The following GABRQ variants were observed in gnomAD, a reference collection of about 807,000 sequenced individuals.
The protein encoded by GABRQ is gamma-aminobutyric acid type A receptor subunit theta, also known as gamma-aminobutyric acid receptor subunit theta.
In GABRQ, 19 loss-of-function variants were observed where a neutral mutation model predicts 30.5. The observed-to-expected ratio is 0.62, with a 90% CI of 0.43 to 0.91. The LOEUF is 0.91. GABRQ is among the 40% of genes least tolerant of loss of function. The pLI, the probability that GABRQ is intolerant of heterozygous loss-of-function variation, is 0.00. For missense variants in GABRQ, 520 were observed against 521.4 expected (o/e 1.00, Z 0.03); for synonymous variants, 187 against 210.2 (o/e 0.89, Z 0.95).
intron 4 of GABRQ, among the ~76,000 whole-genome samples, chrX:152,647,538 A>G (rs1930918297): frequency 8.9e-6 from 1 of 111,916 alleles, no homozygotes; most frequent in Non-Finnish European, 1.9e-5. Flanking sequence ...CTAGTGTTGC[A>G]TGCATTCTGT....
intron 6 of GABRQ, 148 bp from the exon 7 acceptor site, chrX:152,650,280 G>A (rs1930988338): frequency 9.9e-6 from 5 of 503,134 alleles, no homozygotes; most frequent in Non-Finnish European, 1.7e-5. Context: ...TGATCTGCTA[G>A]TGCAGTCTGC....
At chrX:152,650,091 G>T (rs1392133796) in intron 6 of GABRQ, among the ~76,000 whole-genome samples, 2 of 111,879 alleles carry the variant, frequency 1.8e-5, no homozygotes, top group Non-Finnish European at 3.8e-5. Flanking sequence ...CACTCTGCAG[G>T]TGTAAAAGAT....
chrX:152,652,569 T>C lies in GABRQ; in HGVS notation c.1187T>C (p.Val396Ala). The C allele has an allele frequency of 4.1e-6, 5 of 1,206,427 alleles. No homozygotes were observed. The highest frequency in any genetic ancestry group is 1.7e-5 in the African/African-American group (1 of 57,281). ...QDGLINVEDG[V>A]SSLPITPAQA... ...GGCCTGATTAACGTGGAAGACGGAG[T>C]CAGCTCTCTCCCCATCACCCCAGCG... The change falls in exon 9 of 9, where the codon GTC becomes GCC. Residue 396 changes from valine to alanine, a missense_variant. Physicochemically the swap from Val to Ala is moderately conservative, Grantham distance 64. Coordinates refer to ENST00000598523, the MANE Select transcript of GABRQ (RefSeq NM_018558.4).
intron 4 of GABRQ, among the ~76,000 whole-genome samples, chrX:152,648,940 A>G (rs950070818): frequency 4.4e-5 from 5 of 112,446 alleles, no homozygotes; most frequent in Non-Finnish European, 7.5e-5. Context: ...GATTTGGCGT[A>G]GCACACAGTT....
Position 152,646,530 on chromosome X carries a change from T to C in GABRQ, c.307-418T>C, listed in dbSNP as rs147863068. The stretch of plus-strand genomic sequence containing the variant: ...AATGTTGAGTGAAAGAAGCAAATTA[T>C]GAATACATACAGTATTATTTCATTC... On this transcript the variant is annotated intron_variant, in intron 3 of 8. Transcript: ENST00000598523. Among the ~76,000 whole-genome samples the C allele has an allele frequency of 4.0e-3, 455 of 112,362 alleles. 1 individual carries two copies. Among genetic ancestry groups the C allele is most frequent in the African/African-American group, 0.014 (424 of 30,880 alleles).
Position 152,651,740 on chromosome X carries a change from T to G in GABRQ, c.1116T>G (p.Ile372Met). 8.3e-7 allele frequency: 1 copy of G among 1,211,650 alleles called. No individual in the cohort carries two copies. Residue 372 changes from isoleucine (I) to methionine (M), a missense_variant, in exon 8 of 9, where the codon ATT becomes ATG. By Grantham distance (10) the Ile-to-Met change is conservative. Transcript: ENST00000598523. ...GACACAGGAGACCCCGAAGAGTCATTGCCCGCTACCGCTACCAGCAAGTGG... is the reference window on the plus strand; with the variant it reads ...GACACAGGAGACCCCGAAGAGTCATGGCCCGCTACCGCTACCAGCAAGTGG... ...PRRHRRPRRVIARYRYQQVVV... is the reference protein window; with the variant it reads ...PRRHRRPRRVMARYRYQQVVV...
At chrX:152,657,597 G>A (rs1176502368), downstream of GABRQ, 1 of 111,982 alleles carries the variant, frequency 8.9e-6, no homozygotes, top group East Asian at 2.8e-4. Flanking sequence ...CAGGACAGCT[G>A]TCTGGGCCCA....
At chrX:152,641,469 G>A (rs1392845316) in intron 2 of GABRQ, among the ~76,000 whole-genome samples, 2 of 113,015 alleles carry the variant, frequency 1.8e-5, no homozygotes, top group African/African-American at 6.4e-5. Flanking sequence ...ACACAGCTGA[G>A]AGGATTCGGC....
intron 2 of GABRQ, among the ~76,000 whole-genome samples, chrX:152,644,206 C>T (rs1930828210): frequency 9.0e-6 from 1 of 111,111 alleles, no homozygotes; most frequent in Non-Finnish European, 1.9e-5. Context: ...TACACAAACA[C>T]ACTCACAAAT....
intron 1 of GABRQ, among the ~76,000 whole-genome samples, chrX:152,640,014 G>C (rs1556818069): frequency 1.8e-5 from 2 of 111,485 alleles, no homozygotes; most frequent in African/African-American, 6.5e-5. Context: ...GGCTCTTGAA[G>C]GGGCTGAAGT....
Position 152,638,115 on chromosome X carries a change from C to T in GABRQ, c.-88C>T. ...GGCCAGCAATCCCGCCTTCCCCGGCCCCAGTAGTCACCCACTCTCCCACCC... is the reference window on the plus strand; with the variant it reads ...GGCCAGCAATCCCGCCTTCCCCGGCTCCAGTAGTCACCCACTCTCCCACCC... On this transcript the variant is annotated 5_prime_UTR_variant, in exon 1 of 9. Transcript: ENST00000598523. The T allele has an allele frequency of 1.2e-6, 1 of 860,704 alleles. No individual in the cohort carries two copies. Among genetic ancestry groups the T allele is most frequent in the Non-Finnish European group, 1.6e-6 (1 of 607,709 alleles). The allele number at this position is 860,704 out of a possible 1,213,427, so 70.9% of individuals were successfully genotyped here.
chrX:152,643,028 G>A (rs1930794563), intron 2 of GABRQ, among the ~76,000 whole-genome samples: 1 of 112,171 alleles, frequency 8.9e-6, no homozygotes, highest in Non-Finnish European at 1.9e-5. Flanking sequence ...CTAGCCCTTC[G>A]GGGTCGCCAG....
intron 4 of GABRQ, among the ~76,000 whole-genome samples, chrX:152,647,774 T>C (rs148143313): frequency 4.6e-4 from 51 of 111,663 alleles, no homozygotes; most frequent in African/African-American, 1.5e-3. Context: ...AGTCTAGTTA[T>C]AGCATAGGAG....
intron 8 of GABRQ, 79 bp from the exon 9 acceptor site, chrX:152,652,462 C>T (rs1007519661): frequency 7.3e-6 from 6 of 825,202 alleles, no homozygotes; most frequent in African/African-American, 6.2e-5. Flanking sequence ...GAGGGAAGTC[C>T]CTTCCCTCCT....
chrX:152,653,044 T>G lies in GABRQ; in HGVS notation c.1662T>G (p.Thr554=), dbSNP rs781911233. 5 of 1,210,156 alleles carry G rather than the reference T, an allele frequency of 4.1e-6. No homozygotes were observed. The East Asian group carries it at 1.5e-4, about 36-fold the overall frequency. ...LAIKEQFKCD[T]NSTWGLNDDE... is the part of the protein sequence containing the mutation. ...TTAAGGAGCAATTCAAGTGTGATAC[T>G]AACAGTACCTGGGGCCTTAATGATG... is the stretch of plus-strand genomic sequence containing the variant. The change falls in exon 9 of 9, where the codon ACT becomes ACG. Residue 554 remains threonine, a synonymous_variant. Transcript: ENST00000598523.
intron 1 of GABRQ, among the ~76,000 whole-genome samples, chrX:152,639,282 G>GT (rs1930690887): frequency 9.3e-6 from 1 of 107,847 alleles, no homozygotes; most frequent in South Asian, 4.4e-4. Flanking sequence ...TCATAAAGGG[G>GT]GGGGGGGTGT....
In GABRQ at chrX:152,652,619, A is replaced by G; in HGVS notation, c.1237A>G (p.Ser413Gly). Residue 413 changes from serine to glycine, a missense_variant, in exon 9 of 9, where the codon AGC (serine) becomes GGC (glycine). Ser to Gly is a moderately conservative substitution (Grantham distance 56). Coordinates refer to ENST00000598523, the MANE Select transcript of GABRQ (RefSeq NM_018558.4). ...PAQAPLASPE[S>G]LGSLTSTSEQ... ...GCAGGCCCCCCTGGCAAGCCCGGAA[A>G]GCCTCGGTTCTTTGACGTCCACCTC... The G allele has an allele frequency of 8.3e-7, 1 of 1,211,069 alleles. No homozygotes were observed. The highest frequency in any genetic ancestry group is 1.7e-5 in the African/African-American group (1 of 57,783).
At position 152,652,711 on chromosome X, in the gene GABRQ, C is replaced by G. The variant is rs782603061; in HGVS notation, c.1329C>G (p.Pro443=). The G allele has an allele frequency of 1.3e-4, 161 of 1,210,038 alleles. No individual in the cohort carries two copies. The highest frequency in any genetic ancestry group is 7.7e-4 in the South Asian group (44 of 56,829). ...SPLTSLSGQA[P]LATGESLSDL... is the part of the protein sequence containing the mutation. ...TCACTTCTCTCTCAGGCCAGGCCCC[C>G]CTGGCCACTGGAGAAAGCCTGAGCG... The change falls in exon 9 of 9, where the codon CCC becomes CCG. Residue 443 remains proline, a synonymous_variant. Coordinates refer to ENST00000598523, the MANE Select transcript of GABRQ (RefSeq NM_018558.4).
rs1556820715 is a variant in GABRQ at position 152,653,307 on chromosome X, A to C, written c.*26A>C. ...TCCCCCAGTGCTCCAGAACAGCGGGAGCACTGTGCTGTGCTCCTTTCAGTT... is the reference window on the plus strand; with the variant it reads ...TCCCCCAGTGCTCCAGAACAGCGGGCGCACTGTGCTGTGCTCCTTTCAGTT... On this transcript the variant is annotated 3_prime_UTR_variant, in exon 9 of 9. Transcript: ENST00000598523. The C allele has an allele frequency of 2.7e-6, 3 of 1,101,677 alleles. No homozygotes were observed. Among genetic ancestry groups the C allele is most frequent in the Non-Finnish European group, 2.5e-6 (2 of 806,357 alleles). 90.8% of individuals were successfully genotyped at this position (1,101,677 alleles called of 1,213,427 possible).
Sources: allele counts gnomAD v4.1 joint callset (sites outside exome capture counted in the v4.1 genomes callset), GRCh38; gene constraint gnomAD v4.1.1; transcripts MANE v1.5; gene names NCBI Gene and HGNC (gene_info 2026-07-23, HGNC 2026-07-21).